Variants in XIAP observed in about 807,000 individuals in gnomAD.
The protein encoded by XIAP is E3 ubiquitin-protein ligase XIAP.
XIAP carries 3 observed loss-of-function variants against 33.1 expected under a neutral mutation model. The ratio of observed to expected loss-of-function variants is 0.09; its 90% CI spans 0.04 to 0.23. The LOEUF (loss-of-function observed/expected upper bound fraction) is 0.23, where lower values mean the gene tolerates loss of function less well. Ranked by LOEUF, XIAP falls within the 10% of genes least tolerant of loss-of-function variation. The pLI is 1.00. For synonymous variants in XIAP, 98 were observed against 121.3 expected (o/e 0.81, Z 1.26); for missense variants, 264 against 363.0 (o/e 0.73, Z 2.22).
In XIAP at chrX:123,879,896, C is replaced by CCT. The variant is rs1230139432; in HGVS notation, c.-32-5735_-32-5734insCT. On this transcript the variant is annotated intron_variant, in intron 1 of 6. Transcript: ENST00000371199. Reference sequence around the variant, plus strand: ...TTGGGAGGCCGAGGCGGGCGGATCACGAGGTCAGGAGATCGAGACCATCCT... The same window carrying CCT: ...TTGGGAGGCCGAGGCGGGCGGATCACCTGAGGTCAGGAGATCGAGACCATCCT... 2.9e-3 allele frequency among the ~76,000 whole-genome samples: 273 copies of CCT among 95,756 alleles called. No homozygotes were observed. In the Middle Eastern group the frequency reaches 0.043, roughly 15 times the overall value. The allele number at this position is 95,756 out of a possible 115,157, so 83.2% of individuals were successfully genotyped here.
chrX:123,880,448 A>G (rs1184403884), intron 1 of XIAP, among the ~76,000 whole-genome samples: 2 of 106,930 alleles, frequency 1.9e-5, no homozygotes, highest in African/African-American at 6.8e-5. Context: ...ATAAAAAAAA[A>G]AAAAGCAGCC....
At chrX:123,881,070 C>T (rs2053299865) in intron 1 of XIAP, among the ~76,000 whole-genome samples, 1 of 110,826 alleles carries the variant, frequency 9.0e-6, no homozygotes, top group South Asian at 3.8e-4. Context: ...CTACTGTTAC[C>T]CTTAAGATTC....
intron 1 of XIAP, among the ~76,000 whole-genome samples, chrX:123,864,455 GT>G (rs1162636021): frequency 0.021 from 1,018 of 49,478 alleles, 7 homozygotes; most frequent in African/African-American, 0.082. Flanking sequence ...CCTTTCTTCT[GT>G]TTTTTTTTTT....
chrX:123,882,488 G>A (rs907916575), intron 1 of XIAP, among the ~76,000 whole-genome samples: 1 of 111,040 alleles, frequency 9.0e-6, no homozygotes. Flanking sequence ...TTCTCATATG[G>A]TATCATTTTT....
chrX:123,859,763 C>T (rs868579358), upstream of XIAP: 1 of 96,786 alleles, frequency 1.0e-5, no homozygotes, highest in Non-Finnish European at 1.7e-5. Flanking sequence ...TCCAGCCGGG[C>T]GGGGGGGTCG....
intron 1 of XIAP, among the ~76,000 whole-genome samples, chrX:123,865,468 C>T (rs1014466459): frequency 3.4e-4 from 38 of 110,259 alleles, no homozygotes; most frequent in African/African-American, 1.2e-3. Flanking sequence ...TGGCTCACGC[C>T]TGTAATCCCA....
At chrX:123,872,334 CTT>C (rs1255333741) in intron 1 of XIAP, among the ~76,000 whole-genome samples, 1 of 99,609 alleles carries the variant, frequency 1.0e-5, no homozygotes, top group Admixed American at 1.1e-4. Context: ...TTTTTTCGTC[CTT>C]TTTTTTTTTG....
chrX:123,879,768 G>A (rs375842606), intron 1 of XIAP, among the ~76,000 whole-genome samples: 14 of 111,654 alleles, frequency 1.3e-4, no homozygotes, highest in African/African-American at 2.6e-4. Flanking sequence ...GTAATCTGGC[G>A]TGCATTCTAC....
intron 5 of XIAP, among the ~76,000 whole-genome samples, chrX:123,894,347 T>G (rs1569478695): frequency 8.9e-6 from 1 of 112,789 alleles, no homozygotes; most frequent in South Asian, 3.6e-4. Context: ...GTCTTCTGAA[T>G]CCTACATCAC....
chrX:123,899,167 G>A (rs2053491276), intron 5 of XIAP, among the ~76,000 whole-genome samples: 4 of 22,097 alleles, frequency 1.8e-4, no homozygotes, highest in African/African-American at 2.8e-4. Context: ...ATATATATAT[G>A]ATTTTATATA....
chrX:123,895,378 T>G (rs1355325122), intron 5 of XIAP, among the ~76,000 whole-genome samples: 1 of 112,728 alleles, frequency 8.9e-6, no homozygotes, highest in African/African-American at 3.2e-5. Flanking sequence ...TTCTACTTTT[T>G]GACTATTATG....
At chrX:123,895,645 G>A (rs1281561141) in intron 5 of XIAP, among the ~76,000 whole-genome samples, 2 of 111,621 alleles carry the variant, frequency 1.8e-5, no homozygotes, top group African/African-American at 3.3e-5. Flanking sequence ...GATGTGACAT[G>A]GTATCTCATT....
chrX:123,897,120 G>A (rs1302692337), intron 5 of XIAP, among the ~76,000 whole-genome samples: 1 of 108,138 alleles, frequency 9.2e-6, no homozygotes, highest in East Asian at 2.9e-4. Flanking sequence ...TAGTAGAGAC[G>A]GGGTTTCTCC....
intron 1 of XIAP, among the ~76,000 whole-genome samples, chrX:123,883,794 C>A (rs2053327138): frequency 9.0e-6 from 1 of 111,412 alleles, no homozygotes; most frequent in Non-Finnish European, 1.9e-5. Context: ...CCATGCCCGG[C>A]TGTTTTTTTT....
chrX:123,890,447 G>C (rs1324051979), intron 3 of XIAP, among the ~76,000 whole-genome samples: 1 of 99,900 alleles, frequency 1.0e-5, no homozygotes, highest in East Asian at 3.4e-4. Flanking sequence ...AACATAGTAA[G>C]ACCCTGTCTC....
chrX:123,886,513 T>C lies in XIAP; in HGVS notation c.851T>C (p.Leu284Pro). Residue 284 changes from leucine to proline, a missense_variant, in exon 2 of 7, where the codon CTT becomes CCT. By Grantham distance (98) the Leu-to-Pro change is moderately conservative (BLOSUM62 -3). Coordinates refer to ENST00000371199, the MANE Select transcript of XIAP (RefSeq NM_001167.4). Reference sequence around the variant, plus strand: ...ATATACTCAGTTAACAAGGAGCAGCTTGCAAGAGCTGGATTTTATGCTTTA... The same window carrying C: ...ATATACTCAGTTAACAAGGAGCAGCCTGCAAGAGCTGGATTTTATGCTTTA... ...TWIYSVNKEQ[L>P]ARAGFYALGE... 8.3e-7 allele frequency: 1 copy of C among 1,204,425 alleles called. No individual in the cohort carries two copies. The highest frequency in any genetic ancestry group is 1.1e-6 in the Non-Finnish European group (1 of 895,517).
At chrX:123,906,559 G>A (rs1474134960) in intron 6 of XIAP, among the ~76,000 whole-genome samples, 2 of 111,196 alleles carry the variant, frequency 1.8e-5, no homozygotes, top group Non-Finnish European at 3.8e-5. Context: ...GGAATTAGTC[G>A]TGACCTTTCC....
intron 1 of XIAP, among the ~76,000 whole-genome samples, chrX:123,882,344 G>A (rs1468232633): frequency 9.0e-6 from 1 of 111,352 alleles, no homozygotes; most frequent in Non-Finnish European, 1.9e-5. Context: ...CTGCCCTCAA[G>A]CTATATAAAA....
chrX:123,896,121 G>A (rs2053458221), intron 5 of XIAP, among the ~76,000 whole-genome samples: 1 of 109,843 alleles, frequency 9.1e-6, no homozygotes, highest in South Asian at 3.9e-4. Flanking sequence ...GGGCTGGAGT[G>A]CAATAGTACA....
Sources: gnomAD v4.1 joint callset for allele counts (sites outside exome capture counted in the v4.1 genomes callset) on GRCh38, gnomAD v4.1.1 for gene constraint, MANE v1.5 for transcripts, NCBI Gene and HGNC (gene_info 2026-07-23, HGNC 2026-07-21) for gene names.